Variants in RPS6KA5 observed in about 807,000 individuals in gnomAD.
RPS6KA5 encodes the protein ribosomal protein S6 kinase A5, also known as ribosomal protein S6 kinase alpha-5.
RPS6KA5 carries 27 observed loss-of-function variants against 85.5 expected under a neutral mutation model. The ratio of observed to expected loss-of-function variants is 0.32; its 90% CI spans 0.23 to 0.44. RPS6KA5 has a LOEUF of 0.44. Ranked by LOEUF, RPS6KA5 falls within the 20% of genes least tolerant of loss-of-function variation. The pLI, the probability that RPS6KA5 is intolerant of heterozygous loss-of-function variation, is 1.00. For synonymous variants in RPS6KA5, 334 were observed against 348.2 expected (o/e 0.96, Z 0.46); for missense variants, 811 against 980.9 (o/e 0.83, Z 2.31).
rs5810522 is a variant in RPS6KA5 at position 90,850,463 on chromosome 14, C to CAAAAAAAAA, written c.*21602_*21610dup. The CAAAAAAAAA allele has an allele frequency of 6.2e-5, 8 of 129,038 alleles. No individual in the cohort carries two copies. Among genetic ancestry groups the CAAAAAAAAA allele is most frequent in the African/African-American group, 2.3e-4 (8 of 35,334 alleles). The allele number at this position is 129,038 out of a possible 1,614,324, so 8.0% of individuals were successfully genotyped here. Reference sequence around the variant, plus strand: ...AACCTAATCAATGTGGGAAACCATACAAAAAAAAAAAAAAAAAACAGAAAA... The same window carrying CAAAAAAAAA: ...AACCTAATCAATGTGGGAAACCATACAAAAAAAAAAAAAAAAAAAAAAAAAAACAGAAAA... On this transcript the variant is annotated 3_prime_UTR_variant, in exon 17 of 17. Transcript: ENST00000614987.
intron 1 of RPS6KA5, among the ~76,000 whole-genome samples, chr14:91,015,624 T>C (rs781724774): frequency 2.0e-5 from 3 of 152,200 alleles, no homozygotes; most frequent in African/African-American, 4.8e-5. Flanking sequence ...CGTAATTCTA[T>C]TGTGAGAAAG....
At chr14:90,983,174 G>A (rs966147876) in intron 2 of RPS6KA5, among the ~76,000 whole-genome samples, 2 of 151,518 alleles carry the variant, frequency 1.3e-5, no homozygotes, top group African/African-American at 4.9e-5. Context: ...CTACACAGGA[G>A]GCTAAGGCAG....
chr14:90,942,572 A>G (rs2037627250), intron 5 of RPS6KA5, among the ~76,000 whole-genome samples: 1 of 152,232 alleles, frequency 6.6e-6, no homozygotes, highest in Non-Finnish European at 1.5e-5. Context: ...TCTGCACATT[A>G]GCCACCATAT....
rs1240195116 is a variant in RPS6KA5, at chr14:90,868,660, T to A, written c.*3414A>T. 6.6e-6 allele frequency: 1 copy of A among 152,190 alleles called. No individual in the cohort carries two copies. The highest frequency in any genetic ancestry group is 1.5e-5 in the Non-Finnish European group (1 of 68,020). The allele number at this position is 152,190 out of a possible 1,614,324, so 9.4% of individuals were successfully genotyped here. On this transcript the variant is annotated 3_prime_UTR_variant, in exon 17 of 17. Transcript: ENST00000614987. ...AATAATTTAGAAATTTTCACCATTA[T>A]GAGGTACCCTGTTTTTAATAAATAT... is the stretch of plus-strand genomic sequence containing the variant.
At chr14:90,931,387 G>T (rs1370413773) in intron 5 of RPS6KA5, among the ~76,000 whole-genome samples, 2 of 152,046 alleles carry the variant, frequency 1.3e-5, no homozygotes, top group African/African-American at 4.8e-5. Flanking sequence ...TAGGGGACGG[G>T]GGAAAAGGTA....
intron 1 of RPS6KA5, among the ~76,000 whole-genome samples, chr14:91,057,458 C>T (rs186231421): frequency 6.6e-6 from 1 of 151,650 alleles, no homozygotes; most frequent in East Asian, 1.9e-4. Flanking sequence ...TGCCTGCCTG[C>T]CTGCCCTCAA....
At position 90,867,718 on chromosome 14, in the gene RPS6KA5, C is replaced by T. The variant is rs2032859515; in HGVS notation, c.*4356G>A. The T allele has an allele frequency of 6.6e-6, 1 of 152,150 alleles. No individual in the cohort carries two copies. Among genetic ancestry groups the T allele is most frequent in the Non-Finnish European group, 1.5e-5 (1 of 68,012 alleles). The allele number at this position is 152,150 out of a possible 1,614,324, so 9.4% of individuals were successfully genotyped here. A position where few individuals can be genotyped will look rare whatever the true frequency, so the allele number is the denominator to read the frequency against. On this transcript the variant is annotated 3_prime_UTR_variant, in exon 17 of 17. Transcript: ENST00000614987. ...AGGAGTAATGGAAAAGAAATGACTG[C>T]CAATAAACATTTCCTATTTTGCACT...
chr14:90,981,428 ATTTC>A (rs1275168656), intron 2 of RPS6KA5, among the ~76,000 whole-genome samples: 41 of 152,212 alleles, frequency 2.7e-4, no homozygotes, highest in African/African-American at 9.6e-4. Flanking sequence ...TTTTTCTTTG[ATTTC>A]TTTCTGTTAC....
At chr14:90,892,058 G>A (rs1347822303) in intron 13 of RPS6KA5, among the ~76,000 whole-genome samples, 2 of 151,242 alleles carry the variant, frequency 1.3e-5, no homozygotes, top group East Asian at 1.9e-4. Flanking sequence ...GCGTGCAGTG[G>A]TGCGATCTTG....
At chr14:90,899,302 GAA>G (rs11380703) in intron 12 of RPS6KA5, 25 bp downstream of exon 12, 396,407 of 1,269,492 alleles carry the variant, frequency 0.31, 23,137 homozygotes, top group African/African-American at 0.37. Context: ...GTACACATGG[GAA>G]AAAAAAAAAA....
At chr14:91,013,745 C>T (rs1416004616) in intron 1 of RPS6KA5, among the ~76,000 whole-genome samples, 1 of 152,010 alleles carries the variant, frequency 6.6e-6, no homozygotes, top group Non-Finnish European at 1.5e-5. Context: ...TTAGAAAGAC[C>T]AGCAGCAGCA....
chr14:91,016,701 C>A (rs1213279047), intron 1 of RPS6KA5, among the ~76,000 whole-genome samples: 1 of 152,082 alleles, frequency 6.6e-6, no homozygotes, highest in East Asian at 1.9e-4. Flanking sequence ...CTCGGTTCTT[C>A]GCTTTGCTTG....
chr14:90,893,820 A>C (rs2034685368), intron 13 of RPS6KA5, among the ~76,000 whole-genome samples: 1 of 152,104 alleles, frequency 6.6e-6, no homozygotes, highest in Non-Finnish European at 1.5e-5. Context: ...TCTAAGAGTT[A>C]GAACATTCTT....
chr14:90,990,713 A>G (rs1353329826), intron 2 of RPS6KA5, among the ~76,000 whole-genome samples: 2 of 152,230 alleles, frequency 1.3e-5, no homozygotes, highest in Non-Finnish European at 2.9e-5. Context: ...AGCCATTTTA[A>G]AAAATGAAAT....
intron 5 of RPS6KA5, among the ~76,000 whole-genome samples, chr14:90,929,297 G>C (rs1317888644): frequency 6.6e-6 from 1 of 151,700 alleles, no homozygotes; most frequent in Non-Finnish European, 1.5e-5. Context: ...GAAACTAAAA[G>C]GTATGAGAAA....
Position 90,872,056 on chromosome 14 carries a change from G to A in RPS6KA5, c.*18C>T. 1.2e-6 allele frequency: 2 copies of A among 1,604,672 alleles called. No homozygotes were observed. Among genetic ancestry groups the A allele is most frequent in the Non-Finnish European group, 1.7e-6 (2 of 1,176,316 alleles). On this transcript the variant is annotated 3_prime_UTR_variant, in exon 17 of 17. Coordinates refer to ENST00000614987, the MANE Select transcript of RPS6KA5 (RefSeq NM_004755.4). ...GGGAATAAAGGTGCAATGGATCACTGATACACTCCTACCATGCCTAAGCTA... is the reference window on the plus strand; with the variant it reads ...GGGAATAAAGGTGCAATGGATCACTAATACACTCCTACCATGCCTAAGCTA...
chr14:90,928,720 A>G (rs2036811106), intron 5 of RPS6KA5, among the ~76,000 whole-genome samples: 1 of 150,292 alleles, frequency 6.7e-6, no homozygotes, highest in Admixed American at 6.7e-5. Flanking sequence ...TTGAAAAGCT[A>G]CTTGCACTCA....
intron 3 of RPS6KA5, among the ~76,000 whole-genome samples, chr14:90,970,263 G>A (rs1306019741): frequency 6.6e-6 from 1 of 152,180 alleles, no homozygotes; most frequent in East Asian, 1.9e-4. Context: ...AAGCAAGGAA[G>A]TGTTTTCAGT....
At chr14:90,993,308 C>G (rs1231404006) in intron 2 of RPS6KA5, among the ~76,000 whole-genome samples, 2 of 152,148 alleles carry the variant, frequency 1.3e-5, no homozygotes, top group Non-Finnish European at 2.9e-5. Flanking sequence ...GCCATGGTGG[C>G]ATGAGCCTGT....
Sources: allele counts gnomAD v4.1 joint callset (sites outside exome capture counted in the v4.1 genomes callset), GRCh38; gene constraint gnomAD v4.1.1; transcripts MANE v1.5; gene names NCBI Gene and HGNC (gene_info 2026-07-23, HGNC 2026-07-21).